Variants in ARNT2 observed in about 807,000 individuals in gnomAD.
ARNT2 encodes the protein aryl hydrocarbon receptor nuclear translocator 2.
In ARNT2, 36 loss-of-function variants were observed where a neutral mutation model predicts 91.7. That is an observed-to-expected ratio of 0.39 (90% CI 0.30 to 0.52). The LOEUF is 0.52. Ranked by LOEUF, ARNT2 falls within the 20% of genes least tolerant of loss-of-function variation. The probability of loss-of-function intolerance (pLI) is 0.72; values close to 1 mark genes in which losing one functional copy is unlikely to be tolerated. For synonymous variants in ARNT2, 365 were observed against 347.1 expected (o/e 1.05, Z -0.57); for missense variants, 775 against 939.3 (o/e 0.83, Z 2.29).
chr15:80,565,567 C>T (rs1439268674), intron 12 of ARNT2, among the ~76,000 whole-genome samples: 2 of 150,348 alleles, frequency 1.3e-5, no homozygotes, highest in African/African-American at 4.9e-5. Context: ...TTACTAATAG[C>T]CATTCTAACT....
intron 8 of ARNT2, among the ~76,000 whole-genome samples, chr15:80,524,970 A>G (rs1399495880): frequency 6.6e-6 from 1 of 152,164 alleles, no homozygotes; most frequent in African/African-American, 2.4e-5. Context: ...TTTTTAAATT[A>G]TAAGTGAATC....
intron 5 of ARNT2, among the ~76,000 whole-genome samples, chr15:80,489,279 T>G (rs745313807): frequency 4.5e-4 from 69 of 152,244 alleles, no homozygotes; most frequent in Non-Finnish European, 8.4e-4. Context: ...CGTATAGCAC[T>G]GATCTTTCCT....
chr15:80,456,580 G>T (rs182284623), intron 2 of ARNT2, among the ~76,000 whole-genome samples: 5 of 152,142 alleles, frequency 3.3e-5, no homozygotes, highest in Non-Finnish European at 7.4e-5. Context: ...CAGTCCCTAG[G>T]TCCCTCAGTT....
chr15:80,450,731 C>A, intron 1 of ARNT2, 149 bp from the exon 2 acceptor site: 1 of 764,284 alleles, frequency 1.3e-6, no homozygotes, highest in Non-Finnish European at 2.3e-6. Context: ...TTGCCCCAGC[C>A]ACATAGCTGA....
intron 5 of ARNT2, chr15:80,475,559 C>CA (rs35720455): frequency 0.01 from 925 of 91,200 alleles, 19 homozygotes; most frequent in African/African-American, 0.029. Context: ...GACTCTGTCT[C>CA]AAAAAAAAAA....
chr15:80,465,765 T>G (rs966452122), intron 3 of ARNT2, among the ~76,000 whole-genome samples: 1 of 152,200 alleles, frequency 6.6e-6, no homozygotes, highest in Non-Finnish European at 1.5e-5. Flanking sequence ...GTGGCTCCTC[T>G]CAGCCAGGCC....
chr15:80,502,567 C>T (rs780192768), intron 5 of ARNT2, among the ~76,000 whole-genome samples: 3 of 152,044 alleles, frequency 2.0e-5, no homozygotes, highest in Admixed American at 6.6e-5. Context: ...ATGCAGGAGT[C>T]GGGTTTTGAA....
Position 80,411,653 on chromosome 15 carries a change from A to C in ARNT2, c.31+7107A>C, listed in dbSNP as rs926922049. On this transcript the variant is annotated intron_variant, in intron 1 of 18. Coordinates refer to ENST00000303329, the MANE Select transcript of ARNT2 (RefSeq NM_014862.4). ...TCTTCCCAGAAGAAGATTAGGTCAG[A>C]ATTGAACAGTCGAATGTATTTATAT... 1.2e-4 allele frequency among the ~76,000 whole-genome samples: 18 copies of C among 152,344 alleles called. 2 individuals are homozygous for C. Among genetic ancestry groups the C allele is most frequent in the Admixed American group, 7.2e-4 (11 of 15,306 alleles).
chr15:80,542,352 T>C (rs930075234), intron 8 of ARNT2, among the ~76,000 whole-genome samples: 5 of 152,354 alleles, frequency 3.3e-5, no homozygotes, highest in Non-Finnish European at 7.3e-5. Context: ...CCATCAAGTC[T>C]CTTTCTATTC....
chr15:80,543,836 G>A (rs1025537417), intron 8 of ARNT2, among the ~76,000 whole-genome samples: 3 of 152,194 alleles, frequency 2.0e-5, no homozygotes, highest in East Asian at 1.9e-4. Context: ...CGCCTCCCAC[G>A]TTCAAGTGAT....
chr15:80,511,157 A>G (rs1180231982), intron 6 of ARNT2, among the ~76,000 whole-genome samples: 1 of 152,248 alleles, frequency 6.6e-6, no homozygotes, highest in South Asian at 2.1e-4. Context: ...CTGGATAAAG[A>G]AAATGTGGTA....
chr15:80,552,555 A>ACATGGATT, intron 9 of ARNT2, 85 bp from the exon 10 acceptor site: 1 of 1,496,042 alleles, frequency 6.7e-7, no homozygotes, highest in Non-Finnish European at 9.2e-7. Context: ...AGTGAAATGC[A>ACATGGATT]CATGGATTAT....
chr15:80,470,479 G>C (rs183312322), intron 4 of ARNT2, 48 bp downstream of exon 4: 1 of 1,589,482 alleles, frequency 6.3e-7, no homozygotes, highest in East Asian at 2.2e-5. Flanking sequence ...GAATCCCAGC[G>C]TCACCAAGAC....
Position 80,460,872 on chromosome 15 carries a change from G to A in ARNT2, c.194+2896G>A, listed in dbSNP as rs148556343. 3.3e-5 allele frequency among the ~76,000 whole-genome samples: 5 copies of A among 152,280 alleles called. No individual in the cohort carries two copies. In the East Asian group the frequency reaches 9.7e-4, roughly 29 times the overall value. On this transcript the variant is annotated intron_variant, in intron 3 of 18. Coordinates refer to ENST00000303329, the MANE Select transcript of ARNT2 (RefSeq NM_014862.4). ...TTGGAAGACTCAGGAGTGACGCTGG[G>A]GAGAGATGGGTCCAGAGGAGGAGGA...
At chr15:80,577,109 G>A in intron 15 of ARNT2, 144 bp downstream of exon 15, 1 of 758,038 alleles carries the variant, frequency 1.3e-6, no homozygotes. Flanking sequence ...GAGGATTCTG[G>A]TGGCTCTGCT....
At chr15:80,464,325 T>C (rs376896906) in intron 3 of ARNT2, among the ~76,000 whole-genome samples, 3 of 139,516 alleles carry the variant, frequency 2.2e-5, no homozygotes, top group African/African-American at 5.1e-5. Flanking sequence ...GGGCTGGGGG[T>C]GGGGGGTTGC....
At chr15:80,517,591 T>C (rs1897459680) in intron 8 of ARNT2, among the ~76,000 whole-genome samples, 1 of 152,164 alleles carries the variant, frequency 6.6e-6, no homozygotes, top group Non-Finnish European at 1.5e-5. Context: ...TACACAGATA[T>C]ATCTTTTGAA....
intron 17 of ARNT2, among the ~76,000 whole-genome samples, chr15:80,582,917 T>G (rs949972310): frequency 2.6e-5 from 4 of 151,874 alleles, no homozygotes; most frequent in African/African-American, 9.7e-5. Context: ...CCCACCCGGG[T>G]GTGGAGAGAC....
rs774076169 is a variant in ARNT2 at position 80,470,342 on chromosome 15, C to T, written c.319C>T (p.Arg107Cys). 9 of 1,614,052 alleles carry T rather than the reference C, an allele frequency of 5.6e-6. No individual in the cohort carries two copies. The highest frequency in any genetic ancestry group is 1.7e-5 in the Admixed American group (1 of 60,000). The change falls in exon 4 of 19, where the codon CGC (arginine) becomes TGC (cysteine). Residue 107 changes from arginine (R) to cysteine (C), a missense_variant. Physicochemically the swap from Arg to Cys is radical, Grantham distance 180 (BLOSUM62 -3). Transcript: ENST00000303329. ...GAAGCCAGACAAGCTCACCATCCTC[C>T]GCATGGCCGTCTCGCACATGAAGTC... is the stretch of plus-strand genomic sequence containing the variant. ...ARKPDKLTIL[R>C]MAVSHMKSMR...
Sources: gnomAD v4.1 joint callset for allele counts (sites outside exome capture counted in the v4.1 genomes callset) on GRCh38, gnomAD v4.1.1 for gene constraint, MANE v1.5 for transcripts, NCBI Gene and HGNC (gene_info 2026-07-23, HGNC 2026-07-21) for gene names.